ATP10B: variants seen among roughly 807,000 people sequenced by gnomAD.
The protein encoded by ATP10B is ATPase phospholipid transporting 10B (putative).
ATP10B carries 122 observed loss-of-function variants against 141.2 expected under a neutral mutation model. The ratio of observed to expected loss-of-function variants is 0.86; its 90% CI spans 0.75 to 1.00. The LOEUF is 1.00. Among genes scored for constraint, ATP10B ranks in the 50% least tolerant of loss-of-function variants. ATP10B has a pLI of 0.00. For synonymous variants in ATP10B, 685 were observed against 692.0 expected (o/e 0.99, Z 0.16); for missense variants, 1,876 against 1,825.3 (o/e 1.03, Z -0.51).
chr5:160,784,576 CTTTGAGG>C (rs925142283), intron 2 of ATP10B, among the ~76,000 whole-genome samples: 4 of 152,118 alleles, frequency 2.6e-5, no homozygotes, highest in African/African-American at 9.7e-5. Context: ...GATGTTTACT[CTTTGAGG>C]GGGAGTTTAT....
chr5:160,688,178 T>C (rs1349564800), intron 4 of ATP10B, 84 bp from the exon 5 acceptor site: 1 of 1,409,826 alleles, frequency 7.1e-7, no homozygotes, highest in Non-Finnish European at 9.5e-7. Context: ...CCATGCAGGG[T>C]AGACACTGAA....
At chr5:160,829,180 A>C (rs980050581) in intron 1 of ATP10B, among the ~76,000 whole-genome samples, 2 of 151,890 alleles carry the variant, frequency 1.3e-5, no homozygotes, top group African/African-American at 2.4e-5. Context: ...CACATTGTGC[A>C]CATGTACCCT....
chr5:160,683,211 CT>C, intron 6 of ATP10B, among the ~76,000 whole-genome samples: 1 of 152,252 alleles, frequency 6.6e-6, no homozygotes, highest in East Asian at 1.9e-4. Flanking sequence ...TTAACTCTGG[CT>C]GTCCAGTGTG....
the ATP10B span, among the ~76,000 whole-genome samples, chr5:160,857,581 A>G: frequency 6.6e-6 from 1 of 151,344 alleles, no homozygotes; most frequent in Non-Finnish European, 1.5e-5. Context: ...TTCTTTTTCT[A>G]TATTTCTGAG....
At chr5:160,729,917 T>C (rs1172871072) in intron 2 of ATP10B, among the ~76,000 whole-genome samples, 1 of 151,984 alleles carries the variant, frequency 6.6e-6, no homozygotes, top group Non-Finnish European at 1.5e-5. Context: ...AATGAAGAGA[T>C]TTTTGAAGAA....
the ATP10B span, among the ~76,000 whole-genome samples, chr5:160,923,585 C>G: frequency 6.6e-6 from 1 of 152,188 alleles, no homozygotes; most frequent in Non-Finnish European, 1.5e-5. Context: ...CGTGATCACA[C>G]AGACATTAAA....
At chr5:160,700,620 A>G (rs1764613735) in intron 3 of ATP10B, among the ~76,000 whole-genome samples, 1 of 152,190 alleles carries the variant, frequency 6.6e-6, no homozygotes, top group South Asian at 2.1e-4. Flanking sequence ...TTACTTTTTC[A>G]TAGGTGCTTT....
At chr5:160,873,885 C>A in the ATP10B span, among the ~76,000 whole-genome samples, 1 of 152,244 alleles carries the variant, frequency 6.6e-6, no homozygotes, top group Non-Finnish European at 1.5e-5. Context: ...GAGGGTCCTA[C>A]ACCCACGGAG....
At chr5:160,673,585 C>G (rs1351511487) in intron 6 of ATP10B, among the ~76,000 whole-genome samples, 1 of 151,814 alleles carries the variant, frequency 6.6e-6, no homozygotes, top group Non-Finnish European at 1.5e-5. Flanking sequence ...TCCCCCCAAC[C>G]CTCACTTTTA....
intron 7 of ATP10B, among the ~76,000 whole-genome samples, chr5:160,657,847 CT>C (rs112945424): frequency 3.9e-5 from 6 of 152,182 alleles, no homozygotes; most frequent in African/African-American, 1.4e-4. Context: ...AGATAGAAGG[CT>C]TTTAATAAAT....
intron 1 of ATP10B, among the ~76,000 whole-genome samples, chr5:160,814,990 A>G (rs949458228): frequency 6.6e-6 from 1 of 152,208 alleles, no homozygotes; most frequent in Non-Finnish European, 1.5e-5. Flanking sequence ...AGGAAGCACT[A>G]AACATGGAAA....
At chr5:160,850,577 C>T (rs1753738851) in intron 1 of ATP10B, among the ~76,000 whole-genome samples, 1 of 152,156 alleles carries the variant, frequency 6.6e-6, no homozygotes, top group South Asian at 2.1e-4. Flanking sequence ...AGTTCCATTC[C>T]ATTCCTCAGA....
chr5:160,918,108 A>T, the ATP10B span, among the ~76,000 whole-genome samples: 1 of 152,170 alleles, frequency 6.6e-6, no homozygotes, highest in Non-Finnish European at 1.5e-5. Context: ...GGGCCCTAAT[A>T]GGGATGCAGA....
intron 17 of ATP10B, among the ~76,000 whole-genome samples, 163 bp downstream of exon 17, chr5:160,615,675 G>A (rs186665359): frequency 6.2e-4 from 94 of 152,224 alleles, no homozygotes; most frequent in African/African-American, 2.2e-3. Context: ...GTGGTGTCTG[G>A]GTTGGGTATT....
intron 1 of ATP10B, among the ~76,000 whole-genome samples, chr5:160,808,694 A>G (rs1358974102): frequency 6.6e-6 from 1 of 152,090 alleles, no homozygotes; most frequent in Non-Finnish European, 1.5e-5. Flanking sequence ...TTACAGGAAG[A>G]TTTTCTGTTA....
At chr5:160,658,329 G>A (rs116799572) in intron 7 of ATP10B, among the ~76,000 whole-genome samples, 394 of 152,310 alleles carry the variant, frequency 2.6e-3, no homozygotes, top group African/African-American at 9.0e-3. Flanking sequence ...GGCAGAGAGA[G>A]GTCAGAAGGG....
chr5:160,574,851 T>C (rs537729633), intron 24 of ATP10B, among the ~76,000 whole-genome samples: 1 of 149,012 alleles, frequency 6.7e-6, no homozygotes, highest in Non-Finnish European at 1.5e-5. Context: ...AGGACACCAT[T>C]TGAAGCAGGG....
intron 24 of ATP10B, among the ~76,000 whole-genome samples, chr5:160,571,160 C>T (rs1754852265): frequency 6.6e-6 from 1 of 152,110 alleles, no homozygotes; most frequent in Non-Finnish European, 1.5e-5. Context: ...ATATTTCATT[C>T]CCTCTCTCAT....
intron 3 of ATP10B, among the ~76,000 whole-genome samples, chr5:160,694,383 T>C (rs1764247997): frequency 6.6e-6 from 1 of 152,216 alleles, no homozygotes; most frequent in Non-Finnish European, 1.5e-5. Context: ...TAAAAATAAC[T>C]TGAGGATTAC....
Sources: allele counts gnomAD v4.1 joint callset (sites outside exome capture counted in the v4.1 genomes callset), GRCh38; gene constraint gnomAD v4.1.1; transcripts MANE v1.5; gene names NCBI Gene and HGNC (gene_info 2026-07-23, HGNC 2026-07-21).